The following LYN variants were observed in gnomAD, a reference collection of about 807,000 sequenced individuals.
The protein encoded by LYN is LYN proto-oncogene, Src family tyrosine kinase.
In LYN, 12 loss-of-function variants were observed where a neutral mutation model predicts 65.0. That is an observed-to-expected ratio of 0.18 (90% CI 0.12 to 0.30). The LOEUF (loss-of-function observed/expected upper bound fraction) is 0.30, where lower values mean the gene tolerates loss of function less well. Among genes scored for constraint, LYN ranks in the 10% least tolerant of loss-of-function variants. The pLI is 1.00. For missense variants in LYN, 380 were observed against 623.2 expected (o/e 0.61, Z 4.16); for synonymous variants, 222 against 221.2 (o/e 1.00, Z -0.03).
At chr8:55,955,655 C>A (rs1807085227) in intron 8 of LYN, among the ~76,000 whole-genome samples, 1 of 152,208 alleles carries the variant, frequency 6.6e-6, no homozygotes, top group Non-Finnish European at 1.5e-5. Context: ...CGAAAGGAAA[C>A]AATGTACCCA....
rs1338964922 is a variant in LYN, at chr8:56,010,490, G to T, written c.*380G>T. 3.5e-6 allele frequency: 1 copy of T among 287,064 alleles called. No homozygotes were observed. Among genetic ancestry groups the T allele is most frequent in the Non-Finnish European group, 6.7e-6 (1 of 149,314 alleles). 17.8% of individuals were successfully genotyped at this position (287,064 alleles called of 1,614,324 possible). A position where few individuals can be genotyped will look rare whatever the true frequency, so the allele number is the denominator to read the frequency against. ...CCATTGCAATGAATCCCCAATAATT[G>T]CAGAACTAAACTCATTTATAAAGCT... is the stretch of plus-strand genomic sequence containing the variant. On this transcript the variant is annotated 3_prime_UTR_variant, in exon 13 of 13. Transcript: ENST00000519728.
chr8:55,970,725 G>T (rs1807587598), intron 10 of LYN, among the ~76,000 whole-genome samples: 1 of 152,022 alleles, frequency 6.6e-6, no homozygotes, highest in Non-Finnish European at 1.5e-5. Flanking sequence ...CTAAGGTAGG[G>T]CTGGACACAG....
intron 1 of LYN, among the ~76,000 whole-genome samples, chr8:55,912,459 C>T (rs1194893700): frequency 2.0e-5 from 3 of 152,182 alleles, no homozygotes; most frequent in East Asian, 3.8e-4. Flanking sequence ...GGCATGGTGG[C>T]TTATGCCTGT....
intron 1 of LYN, among the ~76,000 whole-genome samples, chr8:55,884,033 A>G (rs959423662): frequency 1.3e-5 from 2 of 152,122 alleles, no homozygotes; most frequent in African/African-American, 2.4e-5. Context: ...AAATCTGCCA[A>G]TGGAGGGATT....
intron 1 of LYN, among the ~76,000 whole-genome samples, chr8:55,935,273 G>T (rs1472231251): frequency 6.6e-6 from 1 of 152,216 alleles, no homozygotes; most frequent in African/African-American, 2.4e-5. Context: ...TTGCAGGCTG[G>T]TCAGATAGAG....
Position 56,011,865 on chromosome 8 carries a change from C to T in LYN, c.*1755C>T, listed in dbSNP as rs988319129. 1 of 184,548 alleles carries T rather than the reference C, an allele frequency of 5.4e-6. No individual in the cohort carries two copies. The highest frequency in any genetic ancestry group is 1.1e-5 in the Non-Finnish European group (1 of 87,042). The allele number at this position is 184,548 out of a possible 1,614,324, so 11.4% of individuals were successfully genotyped here. A position where few individuals can be genotyped will look rare whatever the true frequency, so the allele number is the denominator to read the frequency against. On this transcript the variant is annotated 3_prime_UTR_variant, in exon 13 of 13. Coordinates refer to ENST00000519728, the MANE Select transcript of LYN (RefSeq NM_002350.4). ...GTGGTAAGGTTTTTGTGTACACCCC[C>T]CTGCTTGCATTTTATTTCAGAACCA...
At chr8:55,937,841 G>A (rs1308512050) in intron 1 of LYN, among the ~76,000 whole-genome samples, 12 of 152,154 alleles carry the variant, frequency 7.9e-5, no homozygotes, top group Non-Finnish European at 1.2e-4. Context: ...GACTACAGAC[G>A]GGTGCCACCA....
rs1650299855 is a variant in LYN at position 56,010,399 on chromosome 8, C to G, written c.*289C>G. 1 of 416,712 alleles carries G rather than the reference C, an allele frequency of 2.4e-6. No individual in the cohort carries two copies. Among genetic ancestry groups the G allele is most frequent in the African/African-American group, 2.0e-5 (1 of 50,844 alleles). 25.8% of individuals were successfully genotyped at this position (416,712 alleles called of 1,614,324 possible). On this transcript the variant is annotated 3_prime_UTR_variant, in exon 13 of 13. Coordinates refer to ENST00000519728, the MANE Select transcript of LYN (RefSeq NM_002350.4). Reference sequence around the variant, plus strand: ...GCCGTTTGAGAAGAAAACATCTATTCTCTCCAAAAATGCACCCAACTAGCT... The same window carrying G: ...GCCGTTTGAGAAGAAAACATCTATTGTCTCCAAAAATGCACCCAACTAGCT...
intron 1 of LYN, among the ~76,000 whole-genome samples, chr8:55,932,529 C>T (rs986287206): frequency 3.0e-4 from 46 of 152,132 alleles, no homozygotes; most frequent in African/African-American, 9.2e-4. Flanking sequence ...TCAAGCAATT[C>T]TCCTGCCTCA....
At chr8:55,919,022 C>CAAAAAAA (rs35663372) in intron 1 of LYN, among the ~76,000 whole-genome samples, 1 of 62,732 alleles carries the variant, frequency 1.6e-5, no homozygotes, top group Non-Finnish European at 2.8e-5. Flanking sequence ...CCTGTCTCTA[C>CAAAAAAA]AAAAAAAAAA....
chr8:55,991,594 A>C (rs1345851769), intron 10 of LYN, among the ~76,000 whole-genome samples: 2 of 151,168 alleles, frequency 1.3e-5, no homozygotes, highest in Non-Finnish European at 3.0e-5. Context: ...TTTCACCAGA[A>C]CCCCCCACCC....
chr8:55,955,274 T>C (rs548768797), intron 8 of LYN: 1 of 152,376 alleles, frequency 6.6e-6, no homozygotes, highest in South Asian at 2.1e-4. Context: ...AGCCTATCAT[T>C]AATTAATTCT....
chr8:55,894,476 C>A (rs145903042), intron 1 of LYN, among the ~76,000 whole-genome samples: 176 of 151,780 alleles, frequency 1.2e-3, no homozygotes, highest in African/African-American at 4.0e-3. Context: ...CTCCAGGGAT[C>A]CTCCCACCTT....
At chr8:55,982,289 T>A (rs1291700985) in intron 10 of LYN, among the ~76,000 whole-genome samples, 1 of 152,172 alleles carries the variant, frequency 6.6e-6, no homozygotes, top group Admixed American at 6.5e-5. Context: ...GGTCCAGAAG[T>A]GCTTCAGATT....
intron 12 of LYN, among the ~76,000 whole-genome samples, chr8:56,008,074 G>A (rs1181788252): frequency 6.7e-6 from 1 of 148,580 alleles, no homozygotes; most frequent in Non-Finnish European, 1.5e-5. Flanking sequence ...AGCCAAGATC[G>A]CTCCACTGCA....
At chr8:55,912,719 T>G (rs1311681425) in intron 1 of LYN, among the ~76,000 whole-genome samples, 2 of 110,290 alleles carry the variant, frequency 1.8e-5, no homozygotes, top group African/African-American at 8.7e-5. Context: ...AGAGTGAGAC[T>G]CCATCTGAAA....
intron 1 of LYN, among the ~76,000 whole-genome samples, chr8:55,902,422 G>C (rs1187205204): frequency 1.3e-5 from 2 of 150,188 alleles, no homozygotes; most frequent in African/African-American, 4.9e-5. Flanking sequence ...CCGCCTCCCA[G>C]GTTCAAGCAA....
intron 1 of LYN, among the ~76,000 whole-genome samples, chr8:55,933,763 A>G (rs1806334391): frequency 6.6e-6 from 1 of 152,188 alleles, no homozygotes; most frequent in South Asian, 2.1e-4. Context: ...TCTGTTCTAG[A>G]TGCCAATCTT....
intron 10 of LYN, among the ~76,000 whole-genome samples, chr8:55,994,098 T>C (rs1420169477): frequency 6.6e-6 from 1 of 152,194 alleles, no homozygotes; most frequent in Non-Finnish European, 1.5e-5. Flanking sequence ...TGGATTTACT[T>C]AGCCGTAGTA....
Sources: allele counts gnomAD v4.1 joint callset (sites outside exome capture counted in the v4.1 genomes callset), GRCh38; gene constraint gnomAD v4.1.1; transcripts MANE v1.5; gene names NCBI Gene and HGNC (gene_info 2026-07-23, HGNC 2026-07-21).